Variants in EXT2 observed in about 807,000 individuals in gnomAD.
EXT2 encodes the protein exostosin glycosyltransferase 2, also known as exostosin-2.
A neutral mutation model predicts 81.6 loss-of-function variants in EXT2; 53 were observed. The ratio of observed to expected loss-of-function variants is 0.65; its 90% CI spans 0.52 to 0.82. The LOEUF (loss-of-function observed/expected upper bound fraction) is 0.82, where lower values mean the gene tolerates loss of function less well. Ranked by LOEUF, EXT2 falls within the 40% of genes least tolerant of loss-of-function variation. The pLI is 0.00. For missense variants in EXT2, 774 were observed against 910.2 expected, an observed-to-expected ratio of 0.85 and a Z score of 1.93; for synonymous variants, 320 against 340.0, an observed-to-expected ratio of 0.94 and a Z score of 0.65.
At chr11:44,223,573 A>C (rs1278554461) in intron 10 of EXT2, among the ~76,000 whole-genome samples, 1 of 152,168 alleles carries the variant, frequency 6.6e-6, no homozygotes. Flanking sequence ...AACCTCCTTG[A>C]AATGACAAAA....
chr11:44,107,855 A>G lies in EXT2; in HGVS notation c.143A>G (p.His48Arg), dbSNP rs1590547374. The G allele has an allele frequency of 6.2e-7, 1 of 1,613,996 alleles. No individual in the cohort carries two copies. The highest frequency in any genetic ancestry group is 8.5e-7 in the Non-Finnish European group (1 of 1,180,032). The change falls in exon 2 of 14, where the codon CAT becomes CGT. Residue 48 changes from histidine (H) to arginine (R), a missense_variant. Physicochemically the swap from His to Arg is conservative, Grantham distance 29. Around this residue, in one of 2 missense-constraint regions of EXT2, gnomAD observed 626 missense variants for 670.5 expected, o/e 0.93. Coordinates refer to ENST00000533608, the MANE Select transcript of EXT2 (RefSeq NM_207122.2). Reference protein sequence around the residue: ...IATGMFQFWPHSIESSNDWNV... With the variant: ...IATGMFQFWPRSIESSNDWNV... ...ACTGGCATGTTTCAGTTTTGGCCCC[A>G]TTCTATCGAGTCCTCAAATGACTGG...
chr11:44,209,326 A>G (rs1051172589), intron 10 of EXT2, among the ~76,000 whole-genome samples: 1 of 152,174 alleles, frequency 6.6e-6, no homozygotes, highest in Non-Finnish European at 1.5e-5. Flanking sequence ...TGTGATAGAC[A>G]GTAGATTTTA....
intron 5 of EXT2, among the ~76,000 whole-genome samples, chr11:44,126,466 C>T (rs192764612): frequency 1.0e-3 from 153 of 152,220 alleles, no homozygotes; most frequent in African/African-American, 3.3e-3. Flanking sequence ...GACAGTGTGC[C>T]GTGGTGTGTT....
At chr11:44,210,138 A>G (rs1422660598) in intron 10 of EXT2, among the ~76,000 whole-genome samples, 1 of 152,254 alleles carries the variant, frequency 6.6e-6, no homozygotes, top group Non-Finnish European at 1.5e-5. Context: ...CATTCTTCCC[A>G]TGGGGATTTA....
At chr11:44,142,208 T>G (rs1421308119) in intron 7 of EXT2, among the ~76,000 whole-genome samples, 1 of 152,238 alleles carries the variant, frequency 6.6e-6, no homozygotes, top group Non-Finnish European at 1.5e-5. Flanking sequence ...CCTTAAGCAT[T>G]GCAGAGGCTG....
At chr11:44,128,524 C>T (rs1463221794) in intron 6 of EXT2, among the ~76,000 whole-genome samples, 1 of 152,146 alleles carries the variant, frequency 6.6e-6, no homozygotes, top group African/African-American at 2.4e-5. Flanking sequence ...TGGTGGAAGA[C>T]AGAGGAGTAA....
intron 13 of EXT2, among the ~76,000 whole-genome samples, chr11:44,236,911 A>G (rs1955972389): frequency 6.6e-6 from 1 of 152,234 alleles, no homozygotes; most frequent in African/African-American, 2.4e-5. Context: ...TTTCTCAACA[A>G]GCACACCTTT....
intron 7 of EXT2, among the ~76,000 whole-genome samples, chr11:44,166,565 G>A (rs1292879174): frequency 1.3e-5 from 2 of 152,196 alleles, no homozygotes; most frequent in Non-Finnish European, 2.9e-5. Context: ...AGTTAGTGGA[G>A]ATGATATTAG....
intron 8 of EXT2, among the ~76,000 whole-genome samples, chr11:44,186,528 C>T (rs553083832): frequency 7.9e-4 from 120 of 152,330 alleles, no homozygotes; most frequent in African/African-American, 2.8e-3. Context: ...TTCTTGCTCT[C>T]CTTGACAGTA....
intron 8 of EXT2, among the ~76,000 whole-genome samples, chr11:44,175,222 G>T (rs1955141921): frequency 6.6e-6 from 1 of 152,188 alleles, no homozygotes; most frequent in Admixed American, 6.5e-5. Flanking sequence ...GTTCTAATTG[G>T]TAAGTGAGGG....
At chr11:44,101,215 T>C in intron 1 of EXT2, among the ~76,000 whole-genome samples, 1 of 152,216 alleles carries the variant, frequency 6.6e-6, no homozygotes, top group East Asian at 1.9e-4. Context: ...CATTCTCTCA[T>C]GATTCAGGAT....
chr11:44,130,500 T>C (rs1489977196), intron 7 of EXT2, among the ~76,000 whole-genome samples: 1 of 152,232 alleles, frequency 6.6e-6, no homozygotes, highest in Non-Finnish European at 1.5e-5. Context: ...CTATTGACCA[T>C]GATACTATTG....
intron 9 of EXT2, among the ~76,000 whole-genome samples, chr11:44,201,068 C>T (rs2135192202): frequency 6.6e-6 from 1 of 152,260 alleles, no homozygotes; most frequent in Admixed American, 6.5e-5. Context: ...TCGTATTTTT[C>T]AGGCTACTTT....
chr11:44,216,944 C>T (rs1955727046), intron 10 of EXT2, among the ~76,000 whole-genome samples: 1 of 149,686 alleles, frequency 6.7e-6, no homozygotes, highest in Non-Finnish European at 1.5e-5. Context: ...AATCATTGCA[C>T]AAATAGATGA....
At chr11:44,179,900 G>A (rs1955211434) in intron 8 of EXT2, among the ~76,000 whole-genome samples, 2 of 151,752 alleles carry the variant, frequency 1.3e-5, no homozygotes, top group African/African-American at 4.8e-5. Flanking sequence ...AATTTTTTAT[G>A]TGTCTCCCAA....
In EXT2 at chr11:44,230,951, A is replaced by G. The variant is rs529781635; in HGVS notation, c.1663-1402A>G. Reference sequence around the variant, plus strand: ...TGGGGAAGCCTCTAGTTGCTCTGGCATATGATCATATGACTTTTATATATA... The same window carrying G: ...TGGGGAAGCCTCTAGTTGCTCTGGCGTATGATCATATGACTTTTATATATA... On this transcript the variant is annotated intron_variant, in intron 10 of 13. Transcript: ENST00000533608. 6.6e-5 allele frequency among the ~76,000 whole-genome samples: 10 copies of G among 152,342 alleles called. No homozygotes were observed. The East Asian group carries it at 1.5e-3, about 23-fold the overall frequency.
chr11:44,119,794 C>T (rs1177240580), intron 4 of EXT2, among the ~76,000 whole-genome samples: 1 of 152,216 alleles, frequency 6.6e-6, no homozygotes, highest in Non-Finnish European at 1.5e-5. Context: ...CAGCCCCCAA[C>T]ATCAAGAAAT....
At chr11:44,117,299 A>G (rs1954236202) in intron 4 of EXT2, among the ~76,000 whole-genome samples, 2 of 152,178 alleles carry the variant, frequency 1.3e-5, no homozygotes, top group South Asian at 4.1e-4. Context: ...TTTGATGCAC[A>G]AAAGTTCCTC....
At chr11:44,102,662 G>A (rs969241161) in intron 1 of EXT2, among the ~76,000 whole-genome samples, 2 of 151,384 alleles carry the variant, frequency 1.3e-5, no homozygotes, top group African/African-American at 4.9e-5. Flanking sequence ...CTTCTGCTGA[G>A]GCCACTTGGG....
Sources: allele counts gnomAD v4.1 joint callset (sites outside exome capture counted in the v4.1 genomes callset), GRCh38; gene constraint gnomAD v4.1.1; regional missense constraint gnomAD v4.1.1; transcripts MANE v1.5; gene names NCBI Gene and HGNC (gene_info 2026-07-23, HGNC 2026-07-21).